ERC2: variants seen among roughly 807,000 people sequenced by gnomAD.
The protein encoded by ERC2 is ELKS/RAB6-interacting/CAST family member 2, also known as ERC protein 2.
In ERC2, 42 loss-of-function variants were observed where a neutral mutation model predicts 114.8. The ratio of observed to expected loss-of-function variants is 0.37; its 90% CI spans 0.29 to 0.47. ERC2 has a LOEUF of 0.47. Ranked by LOEUF, ERC2 falls within the 20% of genes least tolerant of loss-of-function variation. The pLI, the probability that ERC2 is intolerant of heterozygous loss-of-function variation, is 0.99. For synonymous variants in ERC2, 454 were observed against 425.5 expected (o/e 1.07, Z -0.82); for missense variants, 939 against 1,150.7 (o/e 0.82, Z 2.66).
intron 7 of ERC2, among the ~76,000 whole-genome samples, chr3:56,039,225 A>C (rs941417659): frequency 3.9e-5 from 6 of 152,180 alleles, no homozygotes; most frequent in African/African-American, 7.2e-5. Flanking sequence ...TTAAAATAAA[A>C]ATTAAACAGA....
At chr3:56,451,526 G>A (rs2062828270) in intron 1 of ERC2, among the ~76,000 whole-genome samples, 2 of 152,120 alleles carry the variant, frequency 1.3e-5, no homozygotes, top group African/African-American at 4.8e-5. Flanking sequence ...TGATAACCAT[G>A]AAAGAGTCAC....
intron 2 of ERC2, among the ~76,000 whole-genome samples, chr3:56,426,365 G>A (rs1469371060): frequency 2.0e-5 from 3 of 152,328 alleles, no homozygotes; most frequent in South Asian, 2.1e-4. Context: ...GTCTCACTTC[G>A]AGATGCTCCT....
intron 17 of ERC2, among the ~76,000 whole-genome samples, chr3:55,590,254 A>G (rs1307351912): frequency 1.3e-5 from 2 of 152,160 alleles, no homozygotes; most frequent in Non-Finnish European, 2.9e-5. Context: ...TGATATCCAA[A>G]TTTGGCGAGG....
intron 17 of ERC2, among the ~76,000 whole-genome samples, chr3:55,603,492 C>T (rs1288247767): frequency 3.3e-5 from 5 of 151,806 alleles, no homozygotes; most frequent in Admixed American, 6.6e-5. Context: ...ATTAGCCAGG[C>T]GTGGTGGTGG....
intron 7 of ERC2, among the ~76,000 whole-genome samples, chr3:56,062,329 CTGG>C (rs920285465): frequency 3.2e-4 from 49 of 152,286 alleles, no homozygotes; most frequent in African/African-American, 1.2e-3. Flanking sequence ...TGTACAAGAT[CTGG>C]TGTGAATTTT....
At chr3:55,827,753 A>C (rs964276120) in intron 14 of ERC2, among the ~76,000 whole-genome samples, 1 of 152,194 alleles carries the variant, frequency 6.6e-6, no homozygotes, top group Non-Finnish European at 1.5e-5. Context: ...TGAATTCTAC[A>C]TCTCTTCATC....
intron 2 of ERC2, among the ~76,000 whole-genome samples, chr3:56,324,935 C>G (rs1426323432): frequency 6.6e-6 from 1 of 151,762 alleles, no homozygotes; most frequent in African/African-American, 2.4e-5. Context: ...GTTGTTTCCC[C>G]TCCCTCAGTT....
At chr3:55,539,663 G>A (rs1410417371) in intron 17 of ERC2, among the ~76,000 whole-genome samples, 1 of 151,310 alleles carries the variant, frequency 6.6e-6, no homozygotes, top group Non-Finnish European at 1.5e-5. Context: ...TCCTGACCTC[G>A]TGATCTGCCT....
intron 2 of ERC2, among the ~76,000 whole-genome samples, chr3:56,346,583 T>C (rs979612605): frequency 6.6e-6 from 1 of 152,192 alleles, no homozygotes; most frequent in African/African-American, 2.4e-5. Context: ...TAGGCATGGA[T>C]GTATTCTAAT....
At chr3:56,160,457 C>T (rs568519248) in intron 4 of ERC2, among the ~76,000 whole-genome samples, 2 of 152,250 alleles carry the variant, frequency 1.3e-5, no homozygotes, top group African/African-American at 4.8e-5. Flanking sequence ...GTTTCTTCAG[C>T]TAAGCAGAAG....
intron 14 of ERC2, among the ~76,000 whole-genome samples, chr3:55,809,478 C>T (rs542865398): frequency 2.0e-4 from 30 of 152,262 alleles, no homozygotes; most frequent in African/African-American, 6.5e-4. Flanking sequence ...AATAATAATA[C>T]TATCTCAGTA....
chr3:56,296,487 T>G (rs2055444874), intron 2 of ERC2, 52 bp from the exon 3 acceptor site: 2 of 1,536,250 alleles, frequency 1.3e-6, no homozygotes, highest in Non-Finnish European at 1.8e-6. Context: ...AAAAAGTCAA[T>G]GAAAATGTCA....
chr3:56,207,433 T>C (rs2167619), intron 3 of ERC2, among the ~76,000 whole-genome samples: 75,775 of 151,854 alleles, frequency 0.5, 19,282 homozygotes, highest in East Asian at 0.73. Context: ...CTTATATTTC[T>C]GTACTTACTA....
intron 14 of ERC2, among the ~76,000 whole-genome samples, chr3:55,826,272 T>A (rs1443403302): frequency 6.6e-6 from 1 of 152,168 alleles, no homozygotes; most frequent in African/African-American, 2.4e-5. Flanking sequence ...ACAGCTCTAG[T>A]GTACTTGGCC....
intron 3 of ERC2, among the ~76,000 whole-genome samples, chr3:56,273,248 CTTTT>C (rs994784733): frequency 7.9e-6 from 1 of 125,856 alleles, no homozygotes; most frequent in African/African-American, 2.8e-5. Flanking sequence ...ACACCTCCCA[CTTTT>C]TTTTTCTTTC....
At chr3:55,703,385 A>G (rs141506212) in intron 15 of ERC2, among the ~76,000 whole-genome samples, 6 of 152,192 alleles carry the variant, frequency 3.9e-5, no homozygotes, top group Non-Finnish European at 8.8e-5. Context: ...CTTAAACCTG[A>G]GTTATATCCA....
chr3:56,150,084 C>T (rs1396825438), intron 4 of ERC2, among the ~76,000 whole-genome samples: 1 of 152,170 alleles, frequency 6.6e-6, no homozygotes, highest in Non-Finnish European at 1.5e-5. Flanking sequence ...AGTGTCCCAT[C>T]TGCCTGCCAT....
intron 13 of ERC2, among the ~76,000 whole-genome samples, chr3:55,926,409 T>C (rs77484482): frequency 2.8e-4 from 7 of 25,314 alleles, no homozygotes; most frequent in African/African-American, 1.0e-3. Context: ...TTTTGTTTTT[T>C]GTTTTTAAAA....
chr3:56,386,672 T>G (rs1319231063), intron 2 of ERC2, among the ~76,000 whole-genome samples: 1 of 152,162 alleles, frequency 6.6e-6, no homozygotes, highest in Non-Finnish European at 1.5e-5. Flanking sequence ...TCTACTGGTT[T>G]TCCTCGCTGG....
Sources: allele counts gnomAD v4.1 joint callset (sites outside exome capture counted in the v4.1 genomes callset), GRCh38; gene constraint gnomAD v4.1.1; transcripts MANE v1.5; gene names NCBI Gene and HGNC (gene_info 2026-07-23, HGNC 2026-07-21).